ACOX2: variants seen among roughly 807,000 people sequenced by gnomAD.
ACOX2 encodes peroxisomal acyl-coenzyme A oxidase 2.
Under a neutral mutation model 77.5 loss-of-function variants are expected in ACOX2, and 59 were observed. That is an observed-to-expected ratio of 0.76 (90% CI 0.62 to 0.95). The LOEUF (loss-of-function observed/expected upper bound fraction) is 0.95. Among genes scored for constraint, ACOX2 ranks in the 40% least tolerant of loss-of-function variants. The probability of loss-of-function intolerance (pLI) is 0.00; values close to 1 mark genes in which losing one functional copy is unlikely to be tolerated. For missense variants in ACOX2, 837 were observed against 880.4 expected, an observed-to-expected ratio of 0.95 and a Z score of 0.62; for synonymous variants, 317 against 340.1, an observed-to-expected ratio of 0.93 and a Z score of 0.75.
At chr3:58,509,475 G>A (rs575850957) in intron 13 of ACOX2, among the ~76,000 whole-genome samples, 1 of 151,740 alleles carries the variant, frequency 6.6e-6, no homozygotes, top group South Asian at 2.1e-4. Context: ...TGCAGTGAGT[G>A]GAGATTATGC....
chr3:58,529,290 G>A (rs1445177508), intron 8 of ACOX2: 1 of 177,412 alleles, frequency 5.6e-6, no homozygotes, highest in African/African-American at 2.4e-5. Context: ...GAAGAGTTGT[G>A]GCCCTGCACC....
chr3:58,526,381 G>A lies in ACOX2; in HGVS notation c.1346+85C>T. On this transcript the variant is annotated intron_variant, in intron 10 of 14. Transcript: ENST00000302819. The surrounding 1 kb of genome is among the most constrained non-coding windows in gnomAD (Gnocchi z 4.3). ...CTTCGCAAAGCCTGCTCTTTTTATGGGCCTCAGACGGAACCCTCCACCCAA... is the reference window on the plus strand; with the variant it reads ...CTTCGCAAAGCCTGCTCTTTTTATGAGCCTCAGACGGAACCCTCCACCCAA... 2 of 1,424,148 alleles carry A rather than the reference G, an allele frequency of 1.4e-6. No individual in the cohort carries two copies. Among genetic ancestry groups the A allele is most frequent in the Non-Finnish European group, 1.9e-6 (2 of 1,067,276 alleles). The allele number at this position is 1,424,148 out of a possible 1,614,324, so 88.2% of individuals were successfully genotyped here. A position where few individuals can be genotyped will look rare whatever the true frequency, so the allele number is the denominator to read the frequency against.
At position 58,533,333 on chromosome 3, in the gene ACOX2, T is replaced by G; in HGVS notation, c.583+112A>C. On this transcript the variant is annotated intron_variant, in intron 5 of 14. Transcript: ENST00000302819. This position sits in a 1 kb window ranked among gnomAD's most constrained non-coding sequence, Gnocchi z 5.6. ...ACTGACTTGCCCAAGGTCAGCAGCCTAGAACAGAAAATCAATCTGAGGTCT... is the reference window on the plus strand; with the variant it reads ...ACTGACTTGCCCAAGGTCAGCAGCCGAGAACAGAAAATCAATCTGAGGTCT... 1 of 1,007,136 alleles carries G rather than the reference T, an allele frequency of 9.9e-7. No individual in the cohort carries two copies. The highest frequency in any genetic ancestry group is 1.5e-6 in the Non-Finnish European group (1 of 658,434). The allele number at this position is 1,007,136 out of a possible 1,614,324, so 62.4% of individuals were successfully genotyped here. A position where few individuals can be genotyped will look rare whatever the true frequency, so the allele number is the denominator to read the frequency against.
chr3:58,528,993 C>G lies in ACOX2; in HGVS notation c.993-37G>C. 6.5e-7 allele frequency: 1 copy of G among 1,547,022 alleles called. No homozygotes were observed. The highest frequency in any genetic ancestry group is 8.7e-7 in the Non-Finnish European group (1 of 1,144,254). ...AGAACCAGAAGATTTAGATCACTAC[C>G]TGTTGTGTCCACCTTCCCCTATCCC... is the stretch of plus-strand genomic sequence containing the variant. On this transcript the variant is annotated intron_variant, in intron 8 of 14. Transcript: ENST00000302819. The surrounding 1 kb of genome is among the most constrained non-coding windows in gnomAD (Gnocchi z 5.6).
At chr3:58,506,520 TG>T (rs1361052929) in intron 14 of ACOX2, among the ~76,000 whole-genome samples, 2 of 152,178 alleles carry the variant, frequency 1.3e-5, no homozygotes, top group African/African-American at 4.8e-5. Flanking sequence ...CTGCCAGGCA[TG>T]GTGGCTCACA....
At position 58,528,768 on chromosome 3, in the gene ACOX2, C is replaced by G; in HGVS notation, c.1155+26G>C. 1 of 1,584,090 alleles carries G rather than the reference C, an allele frequency of 6.3e-7. No homozygotes were observed. Among genetic ancestry groups the G allele is most frequent in the East Asian group, 2.3e-5 (1 of 43,764 alleles). On this transcript the variant is annotated intron_variant, in intron 9 of 14. Transcript: ENST00000302819. The surrounding 1 kb of genome is among the most constrained non-coding windows in gnomAD (Gnocchi z 5.6). ...TCTTAGCTCCCAGCGCCTGCCAGCG[C>G]CTGCCCCTCCGCAGACAGCAGGTAC...
Position 58,535,696 on chromosome 3 carries a change from C to A in ACOX2, c.-91-499G>T, listed in dbSNP as rs1246232885. Among the ~76,000 whole-genome samples the A allele has an allele frequency of 6.6e-6, 1 of 152,112 alleles. No homozygotes were observed. Among genetic ancestry groups the A allele is most frequent in the African/African-American group, 2.4e-5 (1 of 41,424 alleles). ...GATCACTCAGCTCCATTTCTATGAG[C>A]CCTGCAGGTATATTGTGGAACTGAA... On this transcript the variant is annotated intron_variant, in intron 1 of 14. Transcript: ENST00000302819. The surrounding 1 kb of genome is among the most constrained non-coding windows in gnomAD (Gnocchi z 4.8).
rs1393494004 is a variant in ACOX2 at position 58,533,642 on chromosome 3, T to G, written c.476-90A>C. 8.2e-7 allele frequency: 1 copy of G among 1,218,944 alleles called. No homozygotes were observed. Among genetic ancestry groups the G allele is most frequent in the Non-Finnish European group, 1.2e-6 (1 of 831,336 alleles). The allele number at this position is 1,218,944 out of a possible 1,614,324, so 75.5% of individuals were successfully genotyped here. On this transcript the variant is annotated intron_variant, in intron 4 of 14. Transcript: ENST00000302819. The surrounding 1 kb of genome is among the most constrained non-coding windows in gnomAD (Gnocchi z 5.6). ...CTAGGTGGGTCTGAACTCTTAGGCA[T>G]CAGCGCAGTATGGAGTGGGGCCCAG... is the stretch of plus-strand genomic sequence containing the variant.
At chr3:58,532,674 C>T (rs1259829406) in intron 5 of ACOX2, among the ~76,000 whole-genome samples, 7 of 152,128 alleles carry the variant, frequency 4.6e-5, no homozygotes, top group African/African-American at 9.7e-5. Context: ...CATGAGCCAC[C>T]GCACCCGGCT....
intron 13 of ACOX2, chr3:58,511,283 C>A: frequency 2.9e-6 from 1 of 344,970 alleles, no homozygotes; most frequent in Non-Finnish European, 5.7e-6. Flanking sequence ...TTTCTTTTTA[C>A]TGTAGGCCTG....
chr3:58,517,249 C>G lies in ACOX2; in HGVS notation c.1807G>C (p.Asp603His), dbSNP rs762498699. The change falls in exon 13 of 15, where the codon GAC becomes CAC. Residue 603 changes from aspartate to histidine, a missense_variant. Physicochemically the swap from Asp to His is moderately conservative, Grantham distance 81. Coordinates refer to ENST00000302819, the MANE Select transcript of ACOX2 (RefSeq NM_003500.4). ...HDAFLSGAQV[D>H]MARTAYLDLL... Reference sequence around the variant, plus strand: ...TCCAGGTAGGCTGTTCTTGCCATGTCCACTTGGGCACCAGACAGGAAGGCG... The same window carrying G: ...TCCAGGTAGGCTGTTCTTGCCATGTGCACTTGGGCACCAGACAGGAAGGCG... 5 of 1,614,128 alleles carry G rather than the reference C, an allele frequency of 3.1e-6. No individual in the cohort carries two copies. Among genetic ancestry groups the G allele is most frequent in the Non-Finnish European group, 4.2e-6 (5 of 1,180,036 alleles).
rs2063474031 is a variant in ACOX2 at position 58,535,327 on chromosome 3, C to A, written c.-91-130G>T. The A allele has an allele frequency of 1.7e-6, 1 of 595,280 alleles. No homozygotes were observed. Among genetic ancestry groups the A allele is most frequent in the East Asian group, 2.8e-5 (1 of 35,726 alleles). The allele number at this position is 595,280 out of a possible 1,614,324, so 36.9% of individuals were successfully genotyped here. On this transcript the variant is annotated intron_variant, in intron 1 of 14. Transcript: ENST00000302819. This position sits in a 1 kb window ranked among gnomAD's most constrained non-coding sequence, Gnocchi z 4.8. Reference sequence around the variant, plus strand: ...CTGTGGACACTGGCTGTGGACCAGGCACTGTGTGCATGGTAGGCATGGTAT... The same window carrying A: ...CTGTGGACACTGGCTGTGGACCAGGAACTGTGTGCATGGTAGGCATGGTAT...
Position 58,521,288 on chromosome 3 carries a change from A to G in ACOX2, c.1632+1208T>C, listed in dbSNP as rs1313931493. ...CAGCCTGCCTGACCAGCCCTGTCCCACGAGGGCCTCTGCAGCCCTTCAGGG... is the reference window on the plus strand; with the variant it reads ...CAGCCTGCCTGACCAGCCCTGTCCCGCGAGGGCCTCTGCAGCCCTTCAGGG... On this transcript the variant is annotated intron_variant, in intron 12 of 14. Transcript: ENST00000302819. This position sits in a 1 kb window ranked among gnomAD's most constrained non-coding sequence, Gnocchi z 4.8. Among the ~76,000 whole-genome samples the G allele has an allele frequency of 6.6e-6, 1 of 152,154 alleles. No individual in the cohort carries two copies. Among genetic ancestry groups the G allele is most frequent in the East Asian group, 1.9e-4 (1 of 5,180 alleles).
intron 9 of ACOX2, among the ~76,000 whole-genome samples, chr3:58,527,322 G>A (rs1317560062): frequency 6.6e-6 from 1 of 152,068 alleles, no homozygotes; most frequent in Non-Finnish European, 1.5e-5. Context: ...TGGATCACGA[G>A]GTCAGGAGAT....
In ACOX2 at chr3:58,528,109, T is replaced by C. The variant is rs550452344; in HGVS notation, c.1155+685A>G. On this transcript the variant is annotated intron_variant, in intron 9 of 14. Transcript: ENST00000302819. The surrounding 1 kb of genome is among the most constrained non-coding windows in gnomAD (Gnocchi z 5.6). Reference sequence around the variant, plus strand: ...CAGGACTGCTTTCAGATTTTGGTTCTTGAAGACCCTGCCTATCTTTGGAGC... The same window carrying C: ...CAGGACTGCTTTCAGATTTTGGTTCCTGAAGACCCTGCCTATCTTTGGAGC... Among the ~76,000 whole-genome samples the C allele has an allele frequency of 6.6e-6, 1 of 152,360 alleles. No homozygotes were observed. The highest frequency in any genetic ancestry group is 1.9e-4 in the East Asian group (1 of 5,186).
rs2063295938 is a variant in ACOX2, at chr3:58,512,554, T to G, written c.1851-3529A>C. Among the ~76,000 whole-genome samples the G allele has an allele frequency of 6.6e-6, 1 of 152,146 alleles. No individual in the cohort carries two copies. The highest frequency in any genetic ancestry group is 1.5e-5 in the Non-Finnish European group (1 of 68,020). On this transcript the variant is annotated intron_variant, in intron 13 of 14. Transcript: ENST00000302819. This position sits in a 1 kb window ranked among gnomAD's most constrained non-coding sequence, Gnocchi z 4.8. ...GTCTTTGCAATGATCTACCTTACCG[T>G]CTCTTCCCACCCCCTACTGTACTCC...
Position 58,534,423 on chromosome 3 carries a change from A to C in ACOX2, c.260T>G (p.Ile87Ser). The C allele has an allele frequency of 2.5e-6, 4 of 1,614,100 alleles. No individual in the cohort carries two copies. The highest frequency in any genetic ancestry group is 3.4e-6 in the Non-Finnish European group (4 of 1,180,018). ...ACCCAGGCGCCGAGCTATCAACCGG[A>C]TGTGGAATGCCCTCCGCATGGCAGC... Reference protein sequence around the residue: ...YKAAMRRAFHIRLIARRLGWL... With the variant: ...YKAAMRRAFHSRLIARRLGWL... Residue 87 changes from isoleucine (I) to serine (S), a missense_variant, in exon 3 of 15, where the codon ATC becomes AGC. By Grantham distance (142) the Ile-to-Ser change is moderately radical (BLOSUM62 -2). Transcript: ENST00000302819. This position sits in a 1 kb window ranked among gnomAD's most constrained non-coding sequence, Gnocchi z 4.8.
In ACOX2 at chr3:58,535,472, C is replaced by A. The variant is rs1025620212; in HGVS notation, c.-91-275G>T. On this transcript the variant is annotated intron_variant, in intron 1 of 14. Coordinates refer to ENST00000302819, the MANE Select transcript of ACOX2 (RefSeq NM_003500.4). The surrounding 1 kb of genome is among the most constrained non-coding windows in gnomAD (Gnocchi z 4.8). ...AGTTACATGAATTGCCTAGGGAAAT[C>A]TTCACAAAAAAGTCAGTGAAGCTTA... 3.4e-4 allele frequency among the ~76,000 whole-genome samples: 52 copies of A among 152,182 alleles called. No individual in the cohort carries two copies. The highest frequency in any genetic ancestry group is 1.2e-3 in the African/African-American group (51 of 41,434).
intron 13 of ACOX2, 104 bp from the exon 14 acceptor site, chr3:58,509,129 T>C (rs552466793): frequency 2.2e-6 from 3 of 1,372,606 alleles, no homozygotes; most frequent in Non-Finnish European, 3.0e-6. Context: ...TGCATGATTA[T>C]TCGCTTTTCA....
Sources: gnomAD v4.1 joint callset for allele counts (sites outside exome capture counted in the v4.1 genomes callset) on GRCh38, gnomAD v4.1.1 for gene constraint, Gnocchi (gnomAD v3.1) non-coding constraint, MANE v1.5 for transcripts, NCBI Gene and HGNC (gene_info 2026-07-23, HGNC 2026-07-21) for gene names.